The following TUSC3 variants were observed in gnomAD, a reference collection of about 807,000 sequenced individuals.
The protein encoded by TUSC3 is dolichyl-diphosphooligosaccharide--protein glycosyltransferase subunit TUSC3.
TUSC3 carries 45 observed loss-of-function variants against 44.8 expected under a neutral mutation model. The ratio of observed to expected loss-of-function variants is 1.00; its 90% CI spans 0.79 to 1.29. TUSC3 has a LOEUF of 1.29. TUSC3 is among the 50% of genes most tolerant of loss of function. The pLI, the probability that TUSC3 is intolerant of heterozygous loss-of-function variation, is 0.00. For missense variants in TUSC3, 519 were observed against 437.9 expected (o/e 1.19, Z -1.65); for synonymous variants, 212 against 152.9 (o/e 1.39, Z -2.85).
intron 7 of TUSC3, among the ~76,000 whole-genome samples, chr8:15,737,043 CAT>C (rs1201903260): frequency 6.6e-6 from 1 of 152,050 alleles, no homozygotes; most frequent in Admixed American, 6.5e-5. Context: ...ATAAAGATAA[CAT>C]TGCATTTTCT....
intron 2 of TUSC3, 104 bp downstream of exon 2, chr8:15,623,353 A>C: frequency 8.6e-7 from 1 of 1,160,900 alleles, no homozygotes. Flanking sequence ...ACAGTTGTTT[A>C]ATAGTCAAAT....
chr8:15,761,418 A>C (rs1439607190), intron 10 of TUSC3, among the ~76,000 whole-genome samples: 1 of 152,164 alleles, frequency 6.6e-6, no homozygotes, highest in Non-Finnish European at 1.5e-5. Context: ...AGGCTAGGGG[A>C]AGTGGGAGCT....
chr8:15,817,051 C>A, the TUSC3 span, among the ~76,000 whole-genome samples: 1 of 152,098 alleles, frequency 6.6e-6, no homozygotes, highest in Non-Finnish European at 1.5e-5. Flanking sequence ...AAAAAAAAAT[C>A]ATGTTAACTC....
chr8:15,706,478 A>G (rs1228428848), intron 6 of TUSC3, among the ~76,000 whole-genome samples: 1 of 152,046 alleles, frequency 6.6e-6, no homozygotes, highest in Non-Finnish European at 1.5e-5. Flanking sequence ...CAAACTTTTC[A>G]CATGACTTTG....
chr8:15,485,736 T>C (rs1429047696), intron 2 of TUSC3, among the ~76,000 whole-genome samples: 1 of 152,106 alleles, frequency 6.6e-6, no homozygotes, highest in Non-Finnish European at 1.5e-5. Flanking sequence ...TTGCTTTGTA[T>C]TTTATTGTTT....
chr8:15,651,573 G>T (rs925685527), intron 3 of TUSC3, among the ~76,000 whole-genome samples: 3 of 152,194 alleles, frequency 2.0e-5, no homozygotes, highest in African/African-American at 7.2e-5. Flanking sequence ...GAGCAGGAGT[G>T]CATGTGCAGA....
At chr8:15,581,967 T>A (rs1188906542) in intron 1 of TUSC3, among the ~76,000 whole-genome samples, 1 of 151,086 alleles carries the variant, frequency 6.6e-6, no homozygotes, top group Non-Finnish European at 1.5e-5. Flanking sequence ...CGAGATTCCG[T>A]GGGCGTAGGA....
chr8:15,766,512 G>A lies in TUSC3; in HGVS notation c.*2356G>A, dbSNP rs534121997. 3 of 142,650 alleles carry A rather than the reference G, an allele frequency of 2.1e-5. No individual in the cohort carries two copies. The South Asian group carries it at 6.4e-4, about 30-fold the overall frequency. The allele number at this position is 142,650 out of a possible 1,614,324, so 8.8% of individuals were successfully genotyped here. A position where few individuals can be genotyped will look rare whatever the true frequency, so the allele number is the denominator to read the frequency against. ...GTTTAACAATTGTTTTTCTACTACA[G>A]TGGAGAGAAAAATCCCAATTATAAA... On this transcript the variant is annotated 3_prime_UTR_variant, in exon 11 of 11. Coordinates refer to ENST00000503731, the MANE Select transcript of TUSC3 (RefSeq NM_006765.4).
chr8:15,576,276 C>T (rs1193957128), intron 1 of TUSC3, among the ~76,000 whole-genome samples: 32 of 99,980 alleles, frequency 3.2e-4, no homozygotes, highest in African/African-American at 4.4e-4. Flanking sequence ...TCTTGGTCCT[C>T]TTGTTTTTTT....
chr8:15,810,598 A>C, the TUSC3 span, among the ~76,000 whole-genome samples: 1 of 151,884 alleles, frequency 6.6e-6, no homozygotes, highest in Admixed American at 6.6e-5. Context: ...TGATGGCACT[A>C]CTGCACTCTA....
intron 1 of TUSC3, among the ~76,000 whole-genome samples, chr8:15,421,379 C>T (rs940084727): frequency 3.9e-5 from 6 of 152,000 alleles, no homozygotes; most frequent in South Asian, 2.1e-4. Flanking sequence ...TGAGCCCTTA[C>T]GGTAGTAACT....
chr8:15,564,113 A>T (rs949070116), intron 1 of TUSC3, among the ~76,000 whole-genome samples: 1 of 152,138 alleles, frequency 6.6e-6, no homozygotes, highest in African/African-American at 2.4e-5. Flanking sequence ...AAAATTTTTA[A>T]AAAGTGTCTT....
At chr8:15,590,748 T>C (rs1357364676) in intron 1 of TUSC3, among the ~76,000 whole-genome samples, 1 of 152,212 alleles carries the variant, frequency 6.6e-6, no homozygotes, top group Non-Finnish European at 1.5e-5. Context: ...CTTGGCTCAT[T>C]GTTGCCTCTA....
At chr8:15,620,541 CT>C (rs1324883008) in intron 1 of TUSC3, among the ~76,000 whole-genome samples, 2 of 151,974 alleles carry the variant, frequency 1.3e-5, no homozygotes, top group Admixed American at 1.3e-4. Context: ...TTGCCTAATT[CT>C]GAAGGAATAT....
intron 2 of TUSC3, among the ~76,000 whole-genome samples, chr8:15,636,265 T>C (rs1412017069): frequency 1.3e-5 from 2 of 152,106 alleles, no homozygotes; most frequent in East Asian, 1.9e-4. Context: ...CCTCTGTGAA[T>C]TGAGGGCTCC....
chr8:15,509,256 C>G (rs754909196), intron 2 of TUSC3, among the ~76,000 whole-genome samples: 1 of 152,166 alleles, frequency 6.6e-6, no homozygotes, highest in Admixed American at 6.5e-5. Context: ...ATAAATTAAA[C>G]CACAGCCATC....
the TUSC3 span, among the ~76,000 whole-genome samples, chr8:15,808,661 T>G: frequency 6.6e-6 from 1 of 152,034 alleles, no homozygotes. Flanking sequence ...TTCCCAGGAG[T>G]AAGAGTGCCA....
At chr8:15,787,286 A>T in the TUSC3 span, among the ~76,000 whole-genome samples, 2 of 152,316 alleles carry the variant, frequency 1.3e-5, no homozygotes, top group South Asian at 4.1e-4. Flanking sequence ...ATGCACACTA[A>T]TTAAAGAATG....
At chr8:15,628,374 A>G (rs1805608856) in intron 2 of TUSC3, among the ~76,000 whole-genome samples, 1 of 152,184 alleles carries the variant, frequency 6.6e-6, no homozygotes, top group African/African-American at 2.4e-5. Flanking sequence ...ATCATTTGTT[A>G]AATACAGACC....
Sources: allele counts gnomAD v4.1 joint callset (sites outside exome capture counted in the v4.1 genomes callset), GRCh38; gene constraint gnomAD v4.1.1; transcripts MANE v1.5; gene names NCBI Gene and HGNC (gene_info 2026-07-23, HGNC 2026-07-21).